Variants in SLC35D2 observed in about 807,000 individuals in gnomAD.
SLC35D2 encodes the protein nucleotide sugar transporter SLC35D2.
Under a neutral mutation model 41.8 loss-of-function variants are expected in SLC35D2, and 43 were observed. That is an observed-to-expected ratio of 1.03 (90% CI 0.81 to 1.33). The LOEUF (loss-of-function observed/expected upper bound fraction) is 1.33. Among genes scored for constraint, SLC35D2 ranks in the 40% most tolerant of loss-of-function variants. The probability of loss-of-function intolerance (pLI) is 0.00; values close to 1 mark genes in which losing one functional copy is unlikely to be tolerated. For missense variants in SLC35D2, 380 were observed against 408.4 expected, an observed-to-expected ratio of 0.93 and a Z score of 0.60; for synonymous variants, 150 against 163.9, an observed-to-expected ratio of 0.92 and a Z score of 0.65.
At chr9:96,368,093 G>T (rs1216580694) in intron 2 of SLC35D2, among the ~76,000 whole-genome samples, 179 bp downstream of exon 2, 1 of 152,140 alleles carries the variant, frequency 6.6e-6, no homozygotes, top group Non-Finnish European at 1.5e-5. Context: ...TTCCTAAATT[G>T]TAGACTGAAA....
At chr9:96,345,225 C>T in intron 7 of SLC35D2, 74 bp downstream of exon 7, 1 of 735,640 alleles carries the variant, frequency 1.4e-6, no homozygotes. Flanking sequence ...CAACTGTACA[C>T]ATTCATTTTC....
At chr9:96,376,657 C>T (rs1395895745) in intron 1 of SLC35D2, among the ~76,000 whole-genome samples, 3 of 151,898 alleles carry the variant, frequency 2.0e-5, no homozygotes, top group African/African-American at 4.8e-5. Context: ...CCCATAATCC[C>T]GGCTACTCGG....
At chr9:96,356,736 G>T (rs1257666888) in intron 4 of SLC35D2, among the ~76,000 whole-genome samples, 1 of 146,866 alleles carries the variant, frequency 6.8e-6, no homozygotes, top group Non-Finnish European at 1.5e-5. Flanking sequence ...TTAGCCAGGT[G>T]TGCTGGTGCT....
At chr9:96,341,714 A>G (rs1829331911) in intron 8 of SLC35D2, among the ~76,000 whole-genome samples, 1 of 152,240 alleles carries the variant, frequency 6.6e-6, no homozygotes, top group Non-Finnish European at 1.5e-5. Context: ...ACACCATGCT[A>G]CAAGTTTATA....
At chr9:96,368,177 A>G in intron 2 of SLC35D2, 95 bp downstream of exon 2, 1 of 926,400 alleles carries the variant, frequency 1.1e-6, no homozygotes, top group East Asian at 2.7e-5. Flanking sequence ...CAGCTGAATA[A>G]ATTTGCAAAC....
chr9:96,324,229 G>A lies in SLC35D2; in HGVS notation c.753-60C>T, dbSNP rs1480846594. ...TCACTACGCTGGGTAATGACAAATA[G>A]GTTAAGGCCAGCAGTGACCCCCACA... On this transcript the variant is annotated intron_variant, in intron 9 of 11. Transcript: ENST00000253270. 2.8e-6 allele frequency: 4 copies of A among 1,426,324 alleles called. No individual in the cohort carries two copies. The African/African-American group carries it at 5.6e-5, about 20-fold the overall frequency. 88.4% of individuals were successfully genotyped at this position (1,426,324 alleles called of 1,614,324 possible).
At chr9:96,382,496 C>CACTCTCTATATATATATATATA (rs200897475) in intron 1 of SLC35D2, among the ~76,000 whole-genome samples, 2 of 127,912 alleles carry the variant, frequency 1.6e-5, no homozygotes, top group African/African-American at 5.9e-5. Context: ...CACACACACA[C>CACTCTCTATATATATATATATA]TATATATATA....
chr9:96,353,828 A>G (rs141033025), intron 4 of SLC35D2, among the ~76,000 whole-genome samples: 2 of 152,336 alleles, frequency 1.3e-5, no homozygotes, highest in Non-Finnish European at 2.9e-5. Context: ...AGGGCTGCCA[A>G]ATGCCAGCCC....
At chr9:96,373,128 G>A (rs1830782674) in intron 1 of SLC35D2, among the ~76,000 whole-genome samples, 1 of 151,936 alleles carries the variant, frequency 6.6e-6, no homozygotes. Context: ...TTGAACTTCT[G>A]ACCTCAGGTG....
At chr9:96,370,293 G>A (rs1343898381) in intron 1 of SLC35D2, among the ~76,000 whole-genome samples, 1 of 152,168 alleles carries the variant, frequency 6.6e-6, no homozygotes, top group Admixed American at 6.6e-5. Context: ...CTACGCCTCT[G>A]AGAATACAAC....
chr9:96,379,929 A>C, intron 1 of SLC35D2, among the ~76,000 whole-genome samples: 1 of 142,562 alleles, frequency 7.0e-6, no homozygotes, highest in Non-Finnish European at 1.5e-5. Flanking sequence ...ACAGAGTCTC[A>C]CTCTGTCACC....
At chr9:96,323,935 AAG>A (rs1554709176) in intron 10 of SLC35D2, among the ~76,000 whole-genome samples, 154 bp downstream of exon 10, 6 of 152,128 alleles carry the variant, frequency 3.9e-5, no homozygotes, top group African/African-American at 1.4e-4. Context: ...CAAAAAAAAA[AAG>A]AAGTAAGATG....
intron 8 of SLC35D2, among the ~76,000 whole-genome samples, chr9:96,337,308 G>A (rs1442879070): frequency 1.3e-5 from 2 of 152,002 alleles, no homozygotes; most frequent in Non-Finnish European, 2.9e-5. Flanking sequence ...TACCTCCTGG[G>A]ATCAATCAGT....
At chr9:96,332,125 A>G (rs1448326265) in intron 9 of SLC35D2, among the ~76,000 whole-genome samples, 1 of 152,188 alleles carries the variant, frequency 6.6e-6, no homozygotes, top group Non-Finnish European at 1.5e-5. Flanking sequence ...TTTAAATTAT[A>G]TTTTCAACTC....
intron 2 of SLC35D2, among the ~76,000 whole-genome samples, chr9:96,364,807 C>G (rs1830412519): frequency 6.6e-6 from 1 of 152,002 alleles, no homozygotes; most frequent in Admixed American, 6.6e-5. Context: ...AATCACAGCA[C>G]TTTGGGAGGC....
chr9:96,323,692 C>T lies in SLC35D2; in HGVS notation c.831+399G>A, dbSNP rs181484499. Among the ~76,000 whole-genome samples, 146 of 151,972 alleles carry T rather than the reference C, an allele frequency of 9.6e-4. 1 individual carries two copies. The highest frequency in any genetic ancestry group is 3.1e-3 in the African/African-American group (128 of 41,458). ...CTGTAATCCCAGCACTTTGGGAGGC[C>T]GAGGTGGGTGGATCACGAGGTCAGG... On this transcript the variant is annotated intron_variant, in intron 10 of 11. Coordinates refer to ENST00000253270, the MANE Select transcript of SLC35D2 (RefSeq NM_007001.3).
chr9:96,366,517 ATTTTTTTTTT>A (rs34820429), intron 2 of SLC35D2, among the ~76,000 whole-genome samples: 1 of 103,610 alleles, frequency 9.7e-6, no homozygotes, highest in Non-Finnish European at 1.9e-5. Context: ...CTTATCACTG[ATTTTTTTTTT>A]TTTTTTTTTT....
At chr9:96,358,080 T>TTTTATA (rs990002916) in intron 4 of SLC35D2, among the ~76,000 whole-genome samples, 10 of 122,712 alleles carry the variant, frequency 8.1e-5, no homozygotes, top group African/African-American at 7.8e-5. Flanking sequence ...ATTATATATT[T>TTTTATA]TATATATATA....
At position 96,343,936 on chromosome 9, in the gene SLC35D2, T is replaced by TA. The variant is rs1165879511; in HGVS notation, c.651dup (p.Ile218TyrfsTer3). 6.3e-7 allele frequency: 1 copy of TA among 1,594,804 alleles called. No homozygotes were observed. On this transcript the variant is annotated frameshift_variant, in exon 8 of 12. Transcript: ENST00000253270. LOFTEE classifies it high-confidence loss of function. ...AGGTCTCCAGTGGAGACACTAATAA[T>TA]AAGAGTTGGGATAATCATGAAGCAG...
Sources: allele counts gnomAD v4.1 joint callset (sites outside exome capture counted in the v4.1 genomes callset), GRCh38; gene constraint gnomAD v4.1.1; transcripts MANE v1.5; gene names NCBI Gene and HGNC (gene_info 2026-07-23, HGNC 2026-07-21).